Variants in GNB1 observed in about 807,000 individuals in gnomAD.
The protein encoded by GNB1 is G protein subunit beta 1, also known as guanine nucleotide-binding protein G(I)/G(S)/G(T) subunit beta-1.
Under a neutral mutation model 42.9 loss-of-function variants are expected in GNB1, and 2 were observed. The ratio of observed to expected loss-of-function variants is 0.05; its 90% CI spans 0.02 to 0.15. The LOEUF is 0.15. Among genes scored for constraint, GNB1 ranks in the 10% least tolerant of loss-of-function variants. GNB1 has a pLI of 1.00. For missense variants in GNB1, 193 were observed against 462.2 expected, an observed-to-expected ratio of 0.42 and a Z score of 5.34; for synonymous variants, 183 against 174.7, an observed-to-expected ratio of 1.05 and a Z score of -0.38.
At chr1:1,841,016 T>C (rs1647226795) in intron 1 of GNB1, among the ~76,000 whole-genome samples, 1 of 152,090 alleles carries the variant, frequency 6.6e-6, no homozygotes, top group Admixed American at 6.6e-5. Context: ...CTCAGCCTCT[T>C]GAGTAGCTGC....
At chr1:1,833,931 A>G (rs1647110609) in intron 2 of GNB1, among the ~76,000 whole-genome samples, 3 of 152,188 alleles carry the variant, frequency 2.0e-5, no homozygotes, top group Non-Finnish European at 2.9e-5. Flanking sequence ...AACATGTTCA[A>G]TGACCCCACA....
intron 5 of GNB1, among the ~76,000 whole-genome samples, chr1:1,814,748 G>A (rs1646827061): frequency 7.4e-6 from 1 of 134,368 alleles, no homozygotes; most frequent in African/African-American, 2.9e-5. Context: ...GCTGCAGTGA[G>A]ATATGATCAC....
intron 9 of GNB1, among the ~76,000 whole-genome samples, chr1:1,789,918 A>G (rs1646459894): frequency 6.6e-6 from 1 of 152,158 alleles, no homozygotes; most frequent in South Asian, 2.1e-4. Context: ...CTCATGGAGG[A>G]AGGAGGGAAG....
chr1:1,819,530 T>C (rs893278816), intron 3 of GNB1, among the ~76,000 whole-genome samples: 3 of 151,946 alleles, frequency 2.0e-5, no homozygotes, highest in Admixed American at 6.6e-5. Context: ...CTCTTTTTTT[T>C]TTTAAACTAT....
chr1:1,786,148 C>CT lies in GNB1; in HGVS notation c.*914dup, dbSNP rs1392062899. 7.5e-6 allele frequency: 3 copies of CT among 398,624 alleles called. No individual in the cohort carries two copies. The highest frequency in any genetic ancestry group is 1.3e-5 in the Non-Finnish European group (3 of 225,976). The allele number at this position is 398,624 out of a possible 1,614,324, so 24.7% of individuals were successfully genotyped here. On this transcript the variant is annotated 3_prime_UTR_variant, in exon 12 of 12. Coordinates refer to ENST00000378609, the MANE Select transcript of GNB1 (RefSeq NM_002074.5). ...GTTTCATACACAAATAATTGACTGA[C>CT]TATCCAAGCACAGGACAGGCATCTC...
intron 5 of GNB1, among the ~76,000 whole-genome samples, chr1:1,807,092 C>A (rs1294088486): frequency 6.6e-6 from 1 of 152,176 alleles, no homozygotes; most frequent in Non-Finnish European, 1.5e-5. Context: ...CAACCGAATG[C>A]AGGCCACATC....
intron 1 of GNB1, among the ~76,000 whole-genome samples, chr1:1,841,112 G>C (rs1028965222): frequency 6.6e-6 from 1 of 151,988 alleles, no homozygotes; most frequent in Admixed American, 6.6e-5. Flanking sequence ...GTATGGTCTC[G>C]ATCTCCTGAC....
At chr1:1,834,925 C>T (rs1186544644) in intron 2 of GNB1, among the ~76,000 whole-genome samples, 1 of 152,128 alleles carries the variant, frequency 6.6e-6, no homozygotes, top group East Asian at 1.9e-4. Flanking sequence ...ACCTCAGCCT[C>T]CCAAAGTGCT....
intron 1 of GNB1, among the ~76,000 whole-genome samples, chr1:1,868,107 A>G (rs1261217400): frequency 1.3e-5 from 2 of 152,198 alleles, no homozygotes; most frequent in Non-Finnish European, 1.5e-5. Context: ...ATTTATGTCT[A>G]TCTATTCAAG....
At position 1,814,202 on chromosome 1, in the gene GNB1, C is replaced by G. The variant is rs921144711; in HGVS notation, c.203+1554G>C. The stretch of plus-strand genomic sequence containing the variant: ...ATATAGAACAAACTAAAGATAGAAT[C>G]TTTTGTTCTCTAGCTGTTTGTGCTC... On this transcript the variant is annotated intron_variant, in intron 5 of 11. Coordinates refer to ENST00000378609, the MANE Select transcript of GNB1 (RefSeq NM_002074.5). Among the ~76,000 whole-genome samples the G allele has an allele frequency of 9.2e-5, 14 of 152,256 alleles. No homozygotes were observed. The East Asian group carries it at 2.7e-3, about 29-fold the overall frequency.
intron 10 of GNB1, chr1:1,788,690 T>G (rs1192452008): frequency 4.7e-6 from 1 of 212,108 alleles, no homozygotes; most frequent in Non-Finnish European, 9.8e-6. Flanking sequence ...CACGCTTGCC[T>G]TTGATATGTT....
rs546990902 is a variant in GNB1, at chr1:1,785,406, G to C, written c.*1657C>G. On this transcript the variant is annotated 3_prime_UTR_variant, in exon 12 of 12. Coordinates refer to ENST00000378609, the MANE Select transcript of GNB1 (RefSeq NM_002074.5). ...TAAAATTAAATACAAAAGGTGGAAA[G>C]GGGTAAGGGTGCAGAGAGCTCTACA... is the stretch of plus-strand genomic sequence containing the variant. 1 of 152,816 alleles carries C rather than the reference G, an allele frequency of 6.5e-6. No homozygotes were observed. Among genetic ancestry groups the C allele is most frequent in the African/African-American group, 2.4e-5 (1 of 41,572 alleles). The allele number at this position is 152,816 out of a possible 1,614,324, so 9.5% of individuals were successfully genotyped here. A position where few individuals can be genotyped will look rare whatever the true frequency, so the allele number is the denominator to read the frequency against.
chr1:1,852,000 G>A (rs760102823), intron 1 of GNB1, among the ~76,000 whole-genome samples: 11 of 149,826 alleles, frequency 7.3e-5, no homozygotes, highest in Non-Finnish European at 1.5e-4. Flanking sequence ...CCAAGATAGC[G>A]CCATTGCACT....
intron 1 of GNB1, among the ~76,000 whole-genome samples, chr1:1,840,741 C>T (rs987619134): frequency 2.0e-5 from 3 of 152,240 alleles, no homozygotes; most frequent in South Asian, 4.1e-4. Flanking sequence ...CCTGCTGACA[C>T]GGTCCCATCC....
At chr1:1,868,069 A>G (rs1220054208) in intron 1 of GNB1, among the ~76,000 whole-genome samples, 1 of 152,260 alleles carries the variant, frequency 6.6e-6, no homozygotes, top group Non-Finnish European at 1.5e-5. Context: ...AAGCACATGC[A>G]TATAGGAATA....
chr1:1,868,377 A>G (rs1263276345), intron 1 of GNB1, among the ~76,000 whole-genome samples: 2 of 151,824 alleles, frequency 1.3e-5, no homozygotes, highest in African/African-American at 4.8e-5. Flanking sequence ...GGGTTTTACC[A>G]TGTTGGCCAG....
At chr1:1,888,421 A>G (rs1467745917) in intron 1 of GNB1, among the ~76,000 whole-genome samples, 5 of 151,470 alleles carry the variant, frequency 3.3e-5, no homozygotes, top group African/African-American at 7.3e-5. Flanking sequence ...GATGAAACCA[A>G]ATGCTCGTAA....
chr1:1,795,623 T>C (rs1231766159), intron 7 of GNB1, among the ~76,000 whole-genome samples: 1 of 151,982 alleles, frequency 6.6e-6, no homozygotes, highest in Non-Finnish European at 1.5e-5. Flanking sequence ...TGGTGGGTGC[T>C]GGGTCTGTAA....
intron 2 of GNB1, among the ~76,000 whole-genome samples, chr1:1,835,655 T>C (rs1647136545): frequency 6.6e-6 from 1 of 152,152 alleles, no homozygotes; most frequent in Admixed American, 6.6e-5. Flanking sequence ...GATGTGATAC[T>C]TTGAAATCTG....
Sources: gnomAD v4.1 joint callset for allele counts (sites outside exome capture counted in the v4.1 genomes callset) on GRCh38, gnomAD v4.1.1 for gene constraint, MANE v1.5 for transcripts, NCBI Gene and HGNC (gene_info 2026-07-23, HGNC 2026-07-21) for gene names.